The following SCAI variants were observed in gnomAD, a reference collection of about 807,000 sequenced individuals.
SCAI encodes suppressor of cancer cell invasion, also known as protein SCAI.
SCAI carries 24 observed loss-of-function variants against 92.2 expected under a neutral mutation model. The ratio of observed to expected loss-of-function variants is 0.26; its 90% CI spans 0.19 to 0.37. The LOEUF is 0.37. Ranked by LOEUF, SCAI falls within the 10% of genes least tolerant of loss-of-function variation. The probability of loss-of-function intolerance (pLI) is 1.00; values close to 1 mark genes in which losing one functional copy is unlikely to be tolerated. For synonymous variants in SCAI, 261 were observed against 258.6 expected (o/e 1.01, Z -0.09); for missense variants, 450 against 736.2 (o/e 0.61, Z 4.50).
In SCAI at chr9:125,055,314, C is replaced by T. The variant is rs189323287; in HGVS notation, c.230+562G>A. On this transcript the variant is annotated intron_variant, in intron 3 of 17. Transcript: ENST00000336505. ...TTTAGGTCTGAAGTCAGTGAATATCCTAAGACTCTCAAGAACTGAAATACA... is the reference window on the plus strand; with the variant it reads ...TTTAGGTCTGAAGTCAGTGAATATCTTAAGACTCTCAAGAACTGAAATACA... 5.9e-4 allele frequency among the ~76,000 whole-genome samples: 90 copies of T among 152,156 alleles called. 1 individual carries two copies. The highest frequency in any genetic ancestry group is 2.1e-3 in the African/African-American group (87 of 41,514).
intron 2 of SCAI, among the ~76,000 whole-genome samples, chr9:125,069,008 G>T (rs572093540): frequency 1.1e-4 from 16 of 152,122 alleles, no homozygotes; most frequent in African/African-American, 3.1e-4. Context: ...TTGTGGTCAG[G>T]AGTTCAAGAC....
chr9:124,971,859 A>ATGTT lies in SCAI; in HGVS notation c.1400-19_1400-16dup. On this transcript the variant is annotated splice_polypyrimidine_tract_variant and intron_variant, in intron 15 of 17. Transcript: ENST00000336505. ...CTGAGATTGATCTGTAATAACAAAC[A>ATGTT]TGTTATATATATAGACAATAGTTTT... 1 of 1,537,232 alleles carries ATGTT rather than the reference A, an allele frequency of 6.5e-7. No homozygotes were observed. The highest frequency in any genetic ancestry group is 8.8e-7 in the Non-Finnish European group (1 of 1,138,266).
intron 2 of SCAI, among the ~76,000 whole-genome samples, chr9:125,057,248 A>G (rs1033243558): frequency 1.3e-5 from 2 of 152,216 alleles, no homozygotes; most frequent in South Asian, 2.1e-4. Context: ...CTAAAATATC[A>G]GATTTGGGGT....
chr9:125,020,936 T>G (rs1288771954), intron 6 of SCAI, among the ~76,000 whole-genome samples, 167 bp from the exon 7 acceptor site: 1 of 152,226 alleles, frequency 6.6e-6, no homozygotes, highest in Non-Finnish European at 1.5e-5. Context: ...ACTGATTTAT[T>G]AAGCTGTTTA....
chr9:125,014,762 C>T (rs181953593), intron 9 of SCAI, among the ~76,000 whole-genome samples: 18 of 152,194 alleles, frequency 1.2e-4, no homozygotes, highest in Middle Eastern at 3.4e-3. Flanking sequence ...GGAGGCATCA[C>T]GCTACCTGAC....
intron 2 of SCAI, among the ~76,000 whole-genome samples, chr9:125,122,938 C>A (rs10819034): frequency 0.21 from 32,067 of 152,144 alleles, 4,200 homozygotes; most frequent in Non-Finnish European, 0.3. Flanking sequence ...ATTTTAAAAA[C>A]CTGTTTTGGA....
Position 125,106,119 on chromosome 9 carries a change from AAAAATATATATATATATATATATATAT to A in SCAI, c.98+36487_98+36513del, listed in dbSNP as rs1321606249. Among the ~76,000 whole-genome samples, 8 of 55,738 alleles carry A rather than the reference AAAAATATATATATATATATATATATAT, an allele frequency of 1.4e-4. 1 individual carries two copies. The highest frequency in any genetic ancestry group is 2.5e-4 in the Admixed American group (1 of 4,020). 36.6% of individuals were successfully genotyped at this position (55,738 alleles called of 152,430 possible). A position where few individuals can be genotyped will look rare whatever the true frequency, so the allele number is the denominator to read the frequency against. On this transcript the variant is annotated intron_variant, in intron 2 of 17. Transcript: ENST00000336505. ...CTCAAAAAAAAAAAAAAAAAAAAAA[AAAAATATATATATATATATATATATAT>A]ATATATATAGTTAAGTCAATATTTA...
intron 2 of SCAI, among the ~76,000 whole-genome samples, chr9:125,113,794 C>T (rs1280315526): frequency 6.6e-6 from 1 of 151,556 alleles, no homozygotes; most frequent in Admixed American, 6.6e-5. Context: ...GAAACCCCGT[C>T]TCTACTAAAA....
chr9:125,003,289 T>C (rs1832403535), intron 10 of SCAI, 74 bp from the exon 11 acceptor site: 4 of 1,205,696 alleles, frequency 3.3e-6, no homozygotes, highest in Non-Finnish European at 4.9e-6. Flanking sequence ...CTATTTTCAC[T>C]AGCCCTTATC....
At chr9:125,141,683 A>C (rs150469472) in intron 2 of SCAI, among the ~76,000 whole-genome samples, 38 of 152,372 alleles carry the variant, frequency 2.5e-4, no homozygotes, top group African/African-American at 8.4e-4. Flanking sequence ...ATTTATTAGC[A>C]GCATTATGGT....
intron 2 of SCAI, among the ~76,000 whole-genome samples, chr9:125,089,571 G>A (rs1320497917): frequency 1.3e-5 from 2 of 152,220 alleles, no homozygotes; most frequent in East Asian, 1.9e-4. Context: ...AGAATCTTAG[G>A]CCCCACTTCA....
At chr9:124,993,943 T>C (rs1168190496) in intron 14 of SCAI, among the ~76,000 whole-genome samples, 1 of 152,148 alleles carries the variant, frequency 6.6e-6, no homozygotes, top group Admixed American at 6.5e-5. Context: ...TTTGACCAGA[T>C]ACAAAGGACT....
intron 2 of SCAI, among the ~76,000 whole-genome samples, chr9:125,097,159 G>A (rs1036143320): frequency 4.6e-5 from 7 of 152,128 alleles, no homozygotes; most frequent in Non-Finnish European, 7.4e-5. Context: ...TTAGCTGGGC[G>A]CGGTGGCTCA....
At chr9:125,062,122 A>C (rs1374991859) in intron 2 of SCAI, among the ~76,000 whole-genome samples, 2 of 151,856 alleles carry the variant, frequency 1.3e-5, no homozygotes, top group African/African-American at 4.8e-5. Flanking sequence ...GCATGCCTTA[A>C]TCTCTAGATT....
intron 2 of SCAI, among the ~76,000 whole-genome samples, chr9:125,065,016 T>C (rs1244431716): frequency 2.0e-5 from 3 of 152,078 alleles, no homozygotes; most frequent in African/African-American, 7.2e-5. Context: ...GAGAAATGGC[T>C]GGCCTTTAAA....
intron 2 of SCAI, among the ~76,000 whole-genome samples, chr9:125,067,883 T>C (rs962821979): frequency 2.0e-5 from 3 of 152,184 alleles, no homozygotes; most frequent in Admixed American, 2.0e-4. Context: ...TAAAGAAAAT[T>C]TGGCAAATTA....
rs865999208 is a variant in SCAI, at chr9:125,014,742, C to G, written c.861+4057G>C. 5.6e-3 allele frequency among the ~76,000 whole-genome samples: 857 copies of G among 152,118 alleles called. 3 individuals are homozygous for G. The highest frequency in any genetic ancestry group is 0.017 in the Middle Eastern group (5 of 294). ...TCGCCAAGTCAATCCTAAGCCAAAACAACAAAGCTGGAGGCATCACGCTAC... is the reference window on the plus strand; with the variant it reads ...TCGCCAAGTCAATCCTAAGCCAAAAGAACAAAGCTGGAGGCATCACGCTAC... On this transcript the variant is annotated intron_variant, in intron 9 of 17. Transcript: ENST00000336505.
chr9:125,087,860 G>A lies in SCAI; in HGVS notation c.99-31853C>T, dbSNP rs938038217. ...CTGAAATATTTACAGATTAAATGAT[G>A]TGATACCTAGAATTTGCTTCAAAAA... On this transcript the variant is annotated intron_variant, in intron 2 of 17. Transcript: ENST00000336505. Among the ~76,000 whole-genome samples, 12 of 152,288 alleles carry A rather than the reference G, an allele frequency of 7.9e-5. No individual in the cohort carries two copies. The East Asian group carries it at 1.9e-3, about 24-fold the overall frequency.
At chr9:125,025,370 C>A (rs1339789091) in intron 6 of SCAI, among the ~76,000 whole-genome samples, 1 of 152,138 alleles carries the variant, frequency 6.6e-6, no homozygotes, top group Non-Finnish European at 1.5e-5. Context: ...AAAATTATGG[C>A]AATAAATCAA....
Sources: gnomAD v4.1 joint callset for allele counts (sites outside exome capture counted in the v4.1 genomes callset) on GRCh38, gnomAD v4.1.1 for gene constraint, MANE v1.5 for transcripts, NCBI Gene and HGNC (gene_info 2026-07-23, HGNC 2026-07-21) for gene names.